The following CAMK2D variants were observed in gnomAD, a reference collection of about 807,000 sequenced individuals.
The protein encoded by CAMK2D is calcium/calmodulin-dependent protein kinase type II subunit delta.
A neutral mutation model predicts 84.0 loss-of-function variants in CAMK2D; 37 were observed. That is an observed-to-expected ratio of 0.44 (90% CI 0.34 to 0.58). The LOEUF is 0.58. Ranked by LOEUF, CAMK2D falls within the 20% of genes least tolerant of loss-of-function variation. CAMK2D has a pLI of 0.02. For synonymous variants in CAMK2D, 202 were observed against 212.5 expected (o/e 0.95, Z 0.43); for missense variants, 448 against 652.5 (o/e 0.69, Z 3.41).
Position 113,619,699 on chromosome 4 carries a change from T to C in CAMK2D, c.221-10493A>G, listed in dbSNP as rs558510453. ...GTCCCTAAGCAGCTTTTCAGAGTAT[T>C]CATTTTTGTAAATACAGATTTTTTT... On this transcript the variant is annotated intron_variant, in intron 3 of 20. Coordinates refer to ENST00000511664, the MANE Select transcript of CAMK2D (RefSeq NM_001321571.2). 6.8e-4 allele frequency among the ~76,000 whole-genome samples: 103 copies of C among 152,336 alleles called. 2 individuals are homozygous for C. The South Asian group carries it at 0.021, about 31-fold the overall frequency.
chr4:113,761,355 C>G lies in CAMK2D; in HGVS notation c.-287G>C. 7.3e-7 allele frequency: 1 copy of G among 1,372,392 alleles called. No individual in the cohort carries two copies. The highest frequency in any genetic ancestry group is 1.5e-5 in the South Asian group (1 of 64,798). 85.0% of individuals were successfully genotyped at this position (1,372,392 alleles called of 1,614,324 possible). ...ACGCTCCACCCGCCCCTTTTCCAGT[C>G]CCTGTCCCCAAATGCAGGGGGTAAA... On this transcript the variant is annotated 5_prime_UTR_variant, in exon 1 of 21. Coordinates refer to ENST00000511664, the MANE Select transcript of CAMK2D (RefSeq NM_001321571.2).
At chr4:113,460,071 G>T in intron 18 of CAMK2D, 76 bp downstream of exon 18, 1 of 851,858 alleles carries the variant, frequency 1.2e-6, no homozygotes, top group Non-Finnish European at 2.0e-6. Context: ...GTAGAAAAGA[G>T]CAAAATAATC....
intron 4 of CAMK2D, among the ~76,000 whole-genome samples, chr4:113,578,301 GA>G (rs1486279362): frequency 6.6e-6 from 1 of 152,038 alleles, no homozygotes; most frequent in Non-Finnish European, 1.5e-5. Flanking sequence ...AAGAGAAAAA[GA>G]AAAAGGACTC....
At chr4:113,503,903 C>G (rs2098090908) in intron 14 of CAMK2D, among the ~76,000 whole-genome samples, 1 of 152,180 alleles carries the variant, frequency 6.6e-6, no homozygotes, top group South Asian at 2.1e-4. Flanking sequence ...CTGCAACCCA[C>G]TGGGAGTTCT....
intron 4 of CAMK2D, among the ~76,000 whole-genome samples, chr4:113,591,008 T>G (rs1312955099): frequency 1.3e-5 from 2 of 152,192 alleles, no homozygotes; most frequent in Admixed American, 6.5e-5. Flanking sequence ...CAACAGATGT[T>G]TGTTGAGTGC....
intron 17 of CAMK2D, 151 bp from the exon 18 acceptor site, chr4:113,460,392 G>A: frequency 1.6e-6 from 1 of 640,738 alleles, no homozygotes; most frequent in South Asian, 1.8e-5. Context: ...ACCTTGGCAA[G>A]GTGGGTTGAG....
rs578024320 is a variant in CAMK2D, at chr4:113,553,664, C to T, written c.276-1568G>A. ...GTCCTTTAACGTCCGTCATTATTTC[C>T]AATTCTATTATTTTCACATATAAAA... On this transcript the variant is annotated intron_variant, in intron 4 of 20. Coordinates refer to ENST00000511664, the MANE Select transcript of CAMK2D (RefSeq NM_001321571.2). 4.6e-5 allele frequency among the ~76,000 whole-genome samples: 7 copies of T among 152,216 alleles called. No individual in the cohort carries two copies. In the East Asian group the frequency reaches 1.4e-3, roughly 29 times the overall value.
intron 8 of CAMK2D, among the ~76,000 whole-genome samples, chr4:113,519,196 C>A (rs1355630748): frequency 6.6e-6 from 1 of 152,096 alleles, no homozygotes; most frequent in Non-Finnish European, 1.5e-5. Context: ...GTGATAGTTT[C>A]CATTGAATAT....
At chr4:113,593,738 C>G (rs1215937770) in intron 4 of CAMK2D, among the ~76,000 whole-genome samples, 9 of 152,230 alleles carry the variant, frequency 5.9e-5, no homozygotes, top group Non-Finnish European at 1.2e-4. Flanking sequence ...TCTAACAAAC[C>G]TAGGGAAATA....
At chr4:113,642,768 G>C (rs1271488629) in intron 3 of CAMK2D, among the ~76,000 whole-genome samples, 3 of 149,842 alleles carry the variant, frequency 2.0e-5, no homozygotes, top group Non-Finnish European at 3.0e-5. Flanking sequence ...GTCGCGCTCT[G>C]CTAGAAAGGC....
chr4:113,634,699 T>C (rs577118769), intron 3 of CAMK2D, among the ~76,000 whole-genome samples: 2 of 152,358 alleles, frequency 1.3e-5, no homozygotes, highest in African/African-American at 4.8e-5. Context: ...ATTTGACATC[T>C]ATTTCTTGGG....
At chr4:113,584,885 T>C (rs764040465) in intron 4 of CAMK2D, among the ~76,000 whole-genome samples, 1 of 152,212 alleles carries the variant, frequency 6.6e-6, no homozygotes, top group Non-Finnish European at 1.5e-5. Context: ...TCTGGTTCTT[T>C]ACGTATTTCT....
chr4:113,567,574 A>G (rs1180494396), intron 4 of CAMK2D, among the ~76,000 whole-genome samples: 1 of 152,236 alleles, frequency 6.6e-6, no homozygotes, highest in East Asian at 1.9e-4. Flanking sequence ...TTATAAAACT[A>G]TATAAAATAG....
At chr4:113,657,394 A>T (rs1464232822) in intron 3 of CAMK2D, among the ~76,000 whole-genome samples, 1 of 152,138 alleles carries the variant, frequency 6.6e-6, no homozygotes, top group African/African-American at 2.4e-5. Flanking sequence ...TCACCAGTGC[A>T]TATAGCCTAG....
At chr4:113,646,792 G>A (rs752137404) in intron 3 of CAMK2D, among the ~76,000 whole-genome samples, 22 of 152,358 alleles carry the variant, frequency 1.4e-4, no homozygotes, top group Non-Finnish European at 3.1e-4. Flanking sequence ...GCAGTGGGAA[G>A]CCACTGATTA....
Position 113,674,182 on chromosome 4 carries a change from A to T in CAMK2D, c.161-12410T>A, listed in dbSNP as rs527938448. Among the ~76,000 whole-genome samples, 10 of 152,216 alleles carry T rather than the reference A, an allele frequency of 6.6e-5. No individual in the cohort carries two copies. In the South Asian group the frequency reaches 1.2e-3, roughly 19 times the overall value. On this transcript the variant is annotated intron_variant, in intron 2 of 20. Coordinates refer to ENST00000511664, the MANE Select transcript of CAMK2D (RefSeq NM_001321571.2). ...GTTAAATATGCTTGCATATTTTTTT[A>T]AAATCACCTAAAATTTTTCTAGATA...
intron 3 of CAMK2D, among the ~76,000 whole-genome samples, chr4:113,611,022 C>CTA (rs1591906685): frequency 1.4e-5 from 2 of 147,480 alleles, no homozygotes; most frequent in African/African-American, 5.1e-5. Flanking sequence ...CCAAAGATAG[C>CTA]TATATATATG....
intron 2 of CAMK2D, among the ~76,000 whole-genome samples, chr4:113,669,262 A>AATTTTC (rs2099270030): frequency 9.9e-5 from 15 of 152,216 alleles, no homozygotes; most frequent in Admixed American, 9.8e-4. Flanking sequence ...TTTTCATATA[A>AATTTTC]ATGTTTATTT....
intron 3 of CAMK2D, among the ~76,000 whole-genome samples, chr4:113,650,661 A>G (rs1354245003): frequency 4.6e-5 from 7 of 152,228 alleles, no homozygotes; most frequent in Admixed American, 4.6e-4. Flanking sequence ...TATCACTTCA[A>G]TTTGAAAGTG....
Sources: allele counts gnomAD v4.1 joint callset (sites outside exome capture counted in the v4.1 genomes callset), GRCh38; gene constraint gnomAD v4.1.1; transcripts MANE v1.5; gene names NCBI Gene and HGNC (gene_info 2026-07-23, HGNC 2026-07-21).